The following TMEM51 variants were observed in gnomAD, a reference collection of about 807,000 sequenced individuals.
TMEM51 encodes the protein transmembrane protein 51, also known as chromosome 1 open reading frame 72.
A neutral mutation model predicts 13.6 loss-of-function variants in TMEM51; 8 were observed. That is an observed-to-expected ratio of 0.59 (90% confidence interval 0.35 to 1.07). The LOEUF (loss-of-function observed/expected upper bound fraction) is 1.07. Among genes scored for constraint, TMEM51 ranks in the 50% least tolerant of loss-of-function variants. The pLI is 0.02. For synonymous variants in TMEM51, 147 were observed against 144.4 expected, an observed-to-expected ratio of 1.02 and a Z score of -0.13; for missense variants, 279 against 330.7, an observed-to-expected ratio of 0.84 and a Z score of 1.21.
intron 2 of TMEM51, among the ~76,000 whole-genome samples, chr1:15,214,003 A>AG (rs1220020310): frequency 2.2e-5 from 3 of 134,360 alleles, no homozygotes; most frequent in Non-Finnish European, 4.8e-5. Context: ...CACAGCACCC[A>AG]GCCTTTTTTT....
chr1:15,200,956 C>T (rs565376356), intron 1 of TMEM51, among the ~76,000 whole-genome samples: 2 of 152,082 alleles, frequency 1.3e-5, no homozygotes, highest in South Asian at 2.1e-4. Flanking sequence ...GTGGGGGGCC[C>T]GGGAGGCACC....
rs1643986419 is a variant in TMEM51, at chr1:15,193,682, A to C, written c.-266-16808A>C. 2.1e-5 allele frequency among the ~76,000 whole-genome samples: 3 copies of C among 144,716 alleles called. No homozygotes were observed. In the Admixed American group the frequency reaches 2.1e-4, roughly 10 times the overall value. 94.9% of individuals were successfully genotyped at this position (144,716 alleles called of 152,430 possible). A position where few individuals can be genotyped will look rare whatever the true frequency, so the allele number is the denominator to read the frequency against. On this transcript the variant is annotated intron_variant, in intron 1 of 3. Transcript: ENST00000376008. ...AACCTCCATCTCCTGGGTTCAAGTG[A>C]TTCAGGATTACAGGTGCGTGCCACC...
intron 1 of TMEM51, among the ~76,000 whole-genome samples, chr1:15,175,916 C>T (rs1161199706): frequency 6.6e-6 from 1 of 152,230 alleles, no homozygotes; most frequent in Non-Finnish European, 1.5e-5. Context: ...TTCCCCACCT[C>T]CCCAGTCTGC....
At chr1:15,184,166 T>TAGCTGGGACTA (rs60999552) in intron 1 of TMEM51, among the ~76,000 whole-genome samples, 83,901 of 151,776 alleles carry the variant, frequency 0.55, 24,536 homozygotes, top group East Asian at 0.9. Flanking sequence ...GCCTCCCGAG[T>TAGCTGGGACTA]CAGGCGTGCG....
intron 1 of TMEM51, among the ~76,000 whole-genome samples, chr1:15,172,255 G>A (rs551184470): frequency 2.0e-5 from 3 of 152,124 alleles, no homozygotes; most frequent in East Asian, 3.9e-4. Flanking sequence ...ATGGTGACAC[G>A]TGCCTGTAGT....
rs72874076 is a variant in TMEM51 at position 15,218,672 on chromosome 1, C to T, written c.345-654C>T. ...ACTAGCCAAAGCCAGCAAACGGGAA[C>T]GAGGGTGATCCCTGGCTGCCCTCAT... On this transcript the variant is annotated intron_variant, in intron 3 of 3. Coordinates refer to ENST00000376008, the MANE Select transcript of TMEM51 (RefSeq NM_001136218.2). Among the ~76,000 whole-genome samples, 752 of 152,228 alleles carry T rather than the reference C, an allele frequency of 4.9e-3. 5 individuals carry two copies. Among genetic ancestry groups the T allele is most frequent in the Middle Eastern group, 0.014 (4 of 292 alleles).
chr1:15,166,521 AC>A (rs1258121736), intron 1 of TMEM51, among the ~76,000 whole-genome samples: 2 of 152,110 alleles, frequency 1.3e-5, no homozygotes, highest in African/African-American at 4.8e-5. Flanking sequence ...GGAATTTGAG[AC>A]CAGCCTGACC....
At chr1:15,195,986 G>T (rs531803433) in intron 1 of TMEM51, among the ~76,000 whole-genome samples, 177 of 152,308 alleles carry the variant, frequency 1.2e-3, no homozygotes, top group Middle Eastern at 3.4e-3. Context: ...AAGGCAAAAA[G>T]TTCCCTCCCC....
intron 1 of TMEM51, among the ~76,000 whole-genome samples, chr1:15,201,778 C>T (rs1272669400): frequency 2.0e-5 from 3 of 152,168 alleles, no homozygotes; most frequent in Admixed American, 6.5e-5. Flanking sequence ...ACAGAGACAG[C>T]ATTGCGGTGG....
At position 15,159,116 on chromosome 1, in the gene TMEM51, G is replaced by C. The variant is rs11803641; in HGVS notation, c.-267+5162G>C. On this transcript the variant is annotated intron_variant, in intron 1 of 3. Transcript: ENST00000376008. ...AGAGCTGAGTGGTGGAGGCAGGGCC[G>C]ACAGGAAGGAAGCTCGGCTTATGCT... Among the ~76,000 whole-genome samples the C allele has an allele frequency of 2.0e-5, 3 of 152,276 alleles. No homozygotes were observed. The East Asian group carries it at 5.8e-4, about 29-fold the overall frequency.
At chr1:15,175,546 T>A (rs1293933740) in intron 1 of TMEM51, among the ~76,000 whole-genome samples, 1 of 152,210 alleles carries the variant, frequency 6.6e-6, no homozygotes, top group Non-Finnish European at 1.5e-5. Flanking sequence ...ATTAGTCTGT[T>A]CTCATGTGGC....
chr1:15,215,076 C>T lies in TMEM51; in HGVS notation c.-12C>T. On this transcript the variant is annotated 5_prime_UTR_variant, in exon 3 of 4. Coordinates refer to ENST00000376008, the MANE Select transcript of TMEM51 (RefSeq NM_001136218.2). ...CTTTCTTGGAACTGGGCCTCGCCCT[C>T]CTCCCACTGACATGATGGCCCAGTC... The T allele has an allele frequency of 6.3e-7, 1 of 1,596,054 alleles. No individual in the cohort carries two copies. Among genetic ancestry groups the T allele is most frequent in the Non-Finnish European group, 8.6e-7 (1 of 1,167,216 alleles).
chr1:15,198,283 A>C (rs1180608957), intron 1 of TMEM51, among the ~76,000 whole-genome samples: 1 of 152,172 alleles, frequency 6.6e-6, no homozygotes, highest in East Asian at 1.9e-4. Flanking sequence ...ACTTAGTCAC[A>C]TGCAACCGCT....
At chr1:15,167,188 G>A (rs564188732) in intron 1 of TMEM51, among the ~76,000 whole-genome samples, 180 of 152,042 alleles carry the variant, frequency 1.2e-3, no homozygotes, top group African/African-American at 3.8e-3. Context: ...TTAGCCAGGC[G>A]TGGTGGCGGG....
rs74053445 is a variant in TMEM51, at chr1:15,205,063, A to G, written c.-266-5427A>G. ...TGAGATGTCACATTTCCCAAGAAAT[A>G]CTGAATGTGACTGGGTCCCCCGTGC... is the stretch of plus-strand genomic sequence containing the variant. On this transcript the variant is annotated intron_variant, in intron 1 of 3. Coordinates refer to ENST00000376008, the MANE Select transcript of TMEM51 (RefSeq NM_001136218.2). Among the ~76,000 whole-genome samples, 532 of 152,210 alleles carry G rather than the reference A, an allele frequency of 3.5e-3. 4 individuals carry two copies. Among genetic ancestry groups the G allele is most frequent in the African/African-American group, 0.012 (509 of 41,510 alleles).
At chr1:15,170,315 A>ACC in intron 1 of TMEM51, among the ~76,000 whole-genome samples, 1 of 150,350 alleles carries the variant, frequency 6.7e-6, no homozygotes, top group African/African-American at 2.4e-5. Flanking sequence ...CTGCAGGGCA[A>ACC]GGTAAAGCTA....
intron 1 of TMEM51, among the ~76,000 whole-genome samples, chr1:15,178,249 C>A (rs922603647): frequency 1.4e-4 from 22 of 151,854 alleles, no homozygotes; most frequent in Admixed American, 8.5e-4. Flanking sequence ...AGGAGTAGAG[C>A]GGTCCCTTCG....
At chr1:15,159,569 G>T (rs1158563903) in intron 1 of TMEM51, among the ~76,000 whole-genome samples, 3 of 152,074 alleles carry the variant, frequency 2.0e-5, no homozygotes, top group Non-Finnish European at 2.9e-5. Context: ...GTTTTGTTTT[G>T]TTTTTTGAGA....
chr1:15,172,888 T>C (rs545449949), intron 1 of TMEM51, among the ~76,000 whole-genome samples: 1 of 152,256 alleles, frequency 6.6e-6, no homozygotes. Flanking sequence ...ATTGGTCACT[T>C]AGGAGCGGTC....
Sources: gnomAD v4.1 joint callset for allele counts (sites outside exome capture counted in the v4.1 genomes callset) on GRCh38, gnomAD v4.1.1 for gene constraint, MANE v1.5 for transcripts, NCBI Gene and HGNC (gene_info 2026-07-23, HGNC 2026-07-21) for gene names.